FHIT: variants seen among roughly 807,000 people sequenced by gnomAD.
FHIT encodes bis(5'-adenosyl)-triphosphatase.
A neutral mutation model predicts 17.9 loss-of-function variants in FHIT; 19 were observed. That is an observed-to-expected ratio of 1.06 (90% confidence interval 0.74 to 1.56). The LOEUF (loss-of-function observed/expected upper bound fraction) is 1.56, where lower values mean the gene tolerates loss of function less well. Ranked by LOEUF, FHIT falls within the 40% of genes most tolerant of loss-of-function variation. The pLI, the probability that FHIT is intolerant of heterozygous loss-of-function variation, is 0.00. For missense variants in FHIT, 248 were observed against 189.2 expected (o/e 1.31, Z -1.82); for synonymous variants, 81 against 69.7 (o/e 1.16, Z -0.81).
chr3:60,889,099 C>T (rs2107164998), intron 3 of FHIT, among the ~76,000 whole-genome samples: 1 of 152,342 alleles, frequency 6.6e-6, no homozygotes, highest in Admixed American at 6.5e-5. Context: ...ACCTACTCCA[C>T]CCTGACTCAT....
At chr3:60,206,143 A>AT (rs1703167689) in intron 5 of FHIT, among the ~76,000 whole-genome samples, 1 of 128,182 alleles carries the variant, frequency 7.8e-6, no homozygotes, top group African/African-American at 3.0e-5. Context: ...AAAAAAAAAA[A>AT]AAAATAAATA....
At position 60,698,291 on chromosome 3, in the gene FHIT, C is replaced by T. The variant is rs1183738832; in HGVS notation, c.-18+123628G>A. ...CAGCATTTGTACTGACATTCTACAC[C>T]ACTCCATAAGAATGCAGATTTGGCT... is the stretch of plus-strand genomic sequence containing the variant. On this transcript the variant is annotated intron_variant, in intron 4 of 9. Transcript: ENST00000492590. Among the ~76,000 whole-genome samples the T allele has an allele frequency of 1.4e-4, 21 of 147,310 alleles. No homozygotes were observed. In the East Asian group the frequency reaches 4.1e-3, roughly 28 times the overall value.
At chr3:59,774,517 A>G (rs1369033512) in intron 8 of FHIT, among the ~76,000 whole-genome samples, 2 of 152,252 alleles carry the variant, frequency 1.3e-5, no homozygotes, top group African/African-American at 2.4e-5. Flanking sequence ...CAGAGTTGTT[A>G]TGAAGATTAA....
At chr3:60,033,589 C>T (rs1023027586) in intron 5 of FHIT, among the ~76,000 whole-genome samples, 6 of 152,022 alleles carry the variant, frequency 3.9e-5, no homozygotes, top group Non-Finnish European at 8.8e-5. Context: ...TTTAAAGATA[C>T]ATGCTGATGT....
At chr3:60,762,845 G>C (rs571502042) in intron 4 of FHIT, among the ~76,000 whole-genome samples, 2 of 152,292 alleles carry the variant, frequency 1.3e-5, no homozygotes, top group Non-Finnish European at 2.9e-5. Flanking sequence ...TTGGACTTGA[G>C]TGGCAATATC....
At chr3:60,954,959 G>A (rs554743255) in intron 3 of FHIT, among the ~76,000 whole-genome samples, 1 of 152,218 alleles carries the variant, frequency 6.6e-6, no homozygotes, top group African/African-American at 2.4e-5. Context: ...CATAAACAGA[G>A]AAAGTTGTAT....
At chr3:60,103,340 C>T (rs902272845) in intron 5 of FHIT, among the ~76,000 whole-genome samples, 1 of 152,136 alleles carries the variant, frequency 6.6e-6, no homozygotes, top group Non-Finnish European at 1.5e-5. Context: ...CAAAGAAAGG[C>T]GTACACATTT....
chr3:60,457,047 T>C (rs2032143242), intron 5 of FHIT, among the ~76,000 whole-genome samples: 1 of 152,100 alleles, frequency 6.6e-6, no homozygotes, highest in South Asian at 2.1e-4. Context: ...ATCAAGATAC[T>C]AAGGACTTTC....
At chr3:60,724,156 C>T (rs1458448933) in intron 4 of FHIT, among the ~76,000 whole-genome samples, 4 of 152,180 alleles carry the variant, frequency 2.6e-5, no homozygotes, top group Non-Finnish European at 5.9e-5. Flanking sequence ...CTCCCAACCA[C>T]CCAGCTAGGC....
At chr3:60,978,920 T>C (rs1305925796) in intron 3 of FHIT, among the ~76,000 whole-genome samples, 2 of 152,210 alleles carry the variant, frequency 1.3e-5, no homozygotes, top group Admixed American at 1.3e-4. Context: ...AAGCCAAGCA[T>C]GTCTTCCCAT....
chr3:60,096,380 T>C (rs2107119349), intron 5 of FHIT, among the ~76,000 whole-genome samples: 1 of 152,090 alleles, frequency 6.6e-6, no homozygotes, highest in Admixed American at 6.5e-5. Flanking sequence ...CAGTAGGTAG[T>C]ACTCGAAAAA....
At chr3:60,975,650 A>G (rs772716516) in intron 3 of FHIT, among the ~76,000 whole-genome samples, 2 of 152,240 alleles carry the variant, frequency 1.3e-5, no homozygotes, top group Admixed American at 6.5e-5. Flanking sequence ...TCATCAAGGC[A>G]GGAGTTTTCA....
intron 5 of FHIT, among the ~76,000 whole-genome samples, chr3:60,173,915 A>ATATATT: frequency 3.0e-5 from 2 of 66,440 alleles, no homozygotes; most frequent in Non-Finnish European, 5.5e-5. Context: ...ATATATATAT[A>ATATATT]TGTTTTTTTT....
At chr3:61,211,725 A>G (rs1267118649) in intron 1 of FHIT, among the ~76,000 whole-genome samples, 1 of 152,024 alleles carries the variant, frequency 6.6e-6, no homozygotes, top group African/African-American at 2.4e-5. Flanking sequence ...CTGACCCCTG[A>G]CCCCCGAGCA....
chr3:60,895,821 T>G (rs1283619694), intron 3 of FHIT, among the ~76,000 whole-genome samples: 1 of 150,384 alleles, frequency 6.6e-6, no homozygotes, highest in Non-Finnish European at 1.5e-5. Flanking sequence ...AGGTCCTCAT[T>G]TTTTTTTTAA....
intron 5 of FHIT, among the ~76,000 whole-genome samples, chr3:60,032,460 T>C (rs955553415): frequency 7.5e-6 from 1 of 133,376 alleles, no homozygotes; most frequent in East Asian, 2.0e-4. Context: ...TTGAAAAAAA[T>C]AATAAAAATA....
At chr3:60,028,204 ATTCTC>A (rs2106769927) in intron 5 of FHIT, among the ~76,000 whole-genome samples, 1 of 152,222 alleles carries the variant, frequency 6.6e-6, no homozygotes, top group African/African-American at 2.4e-5. Flanking sequence ...GCTATGTGTA[ATTCTC>A]TTCTATTTAA....
chr3:61,051,477 A>G (rs13314067), intron 2 of FHIT, among the ~76,000 whole-genome samples: 20,223 of 152,000 alleles, frequency 0.13, 1,419 homozygotes, highest in South Asian at 0.18. Flanking sequence ...CTCGAACTCT[A>G]GCCTCAAGCC....
intron 8 of FHIT, among the ~76,000 whole-genome samples, chr3:59,817,747 C>T (rs1320316502): frequency 6.6e-6 from 1 of 152,036 alleles, no homozygotes; most frequent in Non-Finnish European, 1.5e-5. Flanking sequence ...CTGTTTTATT[C>T]ACAACAGTTA....
Sources: gnomAD v4.1 joint callset for allele counts (sites outside exome capture counted in the v4.1 genomes callset) on GRCh38, gnomAD v4.1.1 for gene constraint, MANE v1.5 for transcripts, NCBI Gene and HGNC (gene_info 2026-07-23, HGNC 2026-07-21) for gene names.